PIK3C2B: variants seen among roughly 807,000 people sequenced by gnomAD.
The protein encoded by PIK3C2B is phosphatidylinositol 4-phosphate 3-kinase C2 domain-containing subunit beta.
A neutral mutation model predicts 184.3 loss-of-function variants in PIK3C2B; 83 were observed. The observed-to-expected ratio is 0.45, with a 90% CI of 0.38 to 0.54. The LOEUF (loss-of-function observed/expected upper bound fraction) is 0.54. Among genes scored for constraint, PIK3C2B ranks in the 20% least tolerant of loss-of-function variants. PIK3C2B has a pLI of 0.00. For missense variants in PIK3C2B, 1,736 were observed against 2,113.5 expected (o/e 0.82, Z 3.50); for synonymous variants, 779 against 837.6 (o/e 0.93, Z 1.21).
intron 20 of PIK3C2B, 44 bp from the exon 21 acceptor site, chr1:204,441,607 GC>G: frequency 7.1e-7 from 1 of 1,409,032 alleles, no homozygotes; most frequent in Non-Finnish European, 1.0e-6. Context: ...AGTGGCCCAT[GC>G]CAGGAAAGGA....
At chr1:204,481,511 C>T (rs1024068823) in intron 1 of PIK3C2B, among the ~76,000 whole-genome samples, 2 of 152,118 alleles carry the variant, frequency 1.3e-5, no homozygotes, top group South Asian at 4.1e-4. Flanking sequence ...CCTGCCTGGG[C>T]CTCCCAAAGT....
At chr1:204,456,461 A>G (rs1346443433) in intron 10 of PIK3C2B, among the ~76,000 whole-genome samples, 1 of 152,146 alleles carries the variant, frequency 6.6e-6, no homozygotes, top group Non-Finnish European at 1.5e-5. Flanking sequence ...ATGAAATCCA[A>G]AAGACTGGGA....
intron 15 of PIK3C2B, 76 bp from the exon 16 acceptor site, chr1:204,446,220 G>A (rs1653853344): frequency 1.9e-6 from 2 of 1,044,794 alleles, no homozygotes; most frequent in Admixed American, 2.5e-5. Flanking sequence ...GCCAGGGGGT[G>A]CAGCCCTTAC....
intron 14 of PIK3C2B, among the ~76,000 whole-genome samples, chr1:204,448,456 T>C (rs1208686261): frequency 1.3e-5 from 2 of 152,072 alleles, no homozygotes; most frequent in African/African-American, 4.8e-5. Context: ...TTCTAGAGTC[T>C]GGGCATAAAG....
rs1176323058 is a variant in PIK3C2B, at chr1:204,469,164, C to T, written c.639G>A (p.Val213=). Residue 213 remains valine, a synonymous_variant, in exon 2 of 33, where the codon GTG becomes GTA. Transcript: ENST00000684373. ...GGCGCCCCTGACCCCCACCTCCCAG[C>T]ACCTCTTCCTCTTCTAGGATCCGAT... The part of the protein sequence containing the change: ...LEHRILEEEE[V]LGGGGQGRLL... The T allele has an allele frequency of 6.2e-7, 1 of 1,614,138 alleles. No individual in the cohort carries two copies. Among genetic ancestry groups the T allele is most frequent in the Admixed American group, 1.7e-5 (1 of 60,028 alleles).
At chr1:204,472,597 G>T (rs935358028) in intron 1 of PIK3C2B, among the ~76,000 whole-genome samples, 1 of 152,060 alleles carries the variant, frequency 6.6e-6, no homozygotes, top group Non-Finnish European at 1.5e-5. Context: ...TGGCTAACAT[G>T]GTGAAACCTC....
intron 1 of PIK3C2B, among the ~76,000 whole-genome samples, chr1:204,491,603 C>T (rs1308136015): frequency 5.3e-5 from 8 of 151,618 alleles, no homozygotes; most frequent in Admixed American, 1.3e-4. Context: ...GGACTGAGGT[C>T]GAAGGATCAC....
intron 23 of PIK3C2B, among the ~76,000 whole-genome samples, chr1:204,437,354 G>A (rs2103476084): frequency 6.6e-6 from 1 of 152,288 alleles, no homozygotes; most frequent in Middle Eastern, 3.4e-3. Flanking sequence ...AATTCGCTGG[G>A]CATGGTGGTG....
intron 1 of PIK3C2B, among the ~76,000 whole-genome samples, chr1:204,492,636 A>T (rs1490505677): frequency 1.3e-5 from 2 of 152,172 alleles, no homozygotes; most frequent in Non-Finnish European, 2.9e-5. Context: ...CAAAGACCAA[A>T]GGCATTCCAG....
chr1:204,456,728 GTGC>G (rs988680045), intron 10 of PIK3C2B, among the ~76,000 whole-genome samples: 73 of 152,136 alleles, frequency 4.8e-4, no homozygotes, highest in African/African-American at 1.7e-3. Context: ...CACAGGGCTA[GTGC>G]TGCCCCACCA....
rs762651252 is a variant in PIK3C2B, at chr1:204,425,590, A to C, written c.4716+23T>G. ...GGCGCAGGTTGCCAACCCCTGCCCTACCCCACCATTTTCCCCACCCACCAT... is the reference window on the plus strand; with the variant it reads ...GGCGCAGGTTGCCAACCCCTGCCCTCCCCCACCATTTTCCCCACCCACCAT... On this transcript the variant is annotated intron_variant, in intron 32 of 32. Coordinates refer to ENST00000684373, the MANE Select transcript of PIK3C2B (RefSeq NM_001377334.1). 3.1e-6 allele frequency: 5 copies of C among 1,613,606 alleles called. No homozygotes were observed. The East Asian group carries it at 1.1e-4, about 36-fold the overall frequency.
Position 204,449,277 on chromosome 1 carries a change from T to G in PIK3C2B, c.2254A>C (p.Lys752Gln), listed in dbSNP as rs1420180250. Residue 752 changes from lysine to glutamine, a missense_variant, in exon 14 of 33, where the codon AAG becomes CAG. Physicochemically the swap from Lys to Gln is moderately conservative, Grantham distance 53. This residue lies in a region of PIK3C2B where 609 missense variants were observed against 699.2 expected (regional missense o/e 0.87). Coordinates refer to ENST00000684373, the MANE Select transcript of PIK3C2B (RefSeq NM_001377334.1). The stretch of plus-strand genomic sequence containing the variant: ...GTTGCTGGCCACAAACCCAGAAGCT[T>G]CCGGCCACAGGTCAGGACCCTAAGA... ...NFRQVLTCGR[K>Q]LLGLWPATQE... The G allele has an allele frequency of 1.9e-6, 3 of 1,611,708 alleles. No individual in the cohort carries two copies. The South Asian group carries it at 3.3e-5, about 18-fold the overall frequency.
intron 15 of PIK3C2B, 126 bp from the exon 16 acceptor site, chr1:204,446,270 C>A: frequency 1.8e-6 from 1 of 541,006 alleles, no homozygotes; most frequent in South Asian, 4.9e-5. Context: ...TCAGCGGTTC[C>A]CAAGCTTTGC....
At chr1:204,449,378 G>T in intron 13 of PIK3C2B, 82 bp from the exon 14 acceptor site, 1 of 1,066,318 alleles carries the variant, frequency 9.4e-7, no homozygotes, top group Non-Finnish European at 1.4e-6. Context: ...CCAAAAATCT[G>T]CCTTTTCTGT....
intron 1 of PIK3C2B, among the ~76,000 whole-genome samples, chr1:204,485,808 C>T (rs72644178): frequency 0.046 from 6,973 of 152,010 alleles, 361 homozygotes; most frequent in East Asian, 0.26. Flanking sequence ...CAAACTCAAG[C>T]GATCTGCCTG....
At chr1:204,479,911 G>C (rs776125504) in intron 1 of PIK3C2B, among the ~76,000 whole-genome samples, 6 of 152,230 alleles carry the variant, frequency 3.9e-5, no homozygotes, top group South Asian at 4.1e-4. Flanking sequence ...ACCAAAGTGA[G>C]GAAACAACAT....
chr1:204,442,751 T>A (rs1054420822), intron 19 of PIK3C2B, 118 bp from the exon 20 acceptor site: 1 of 658,042 alleles, frequency 1.5e-6, no homozygotes, highest in Non-Finnish European at 2.7e-6. Context: ...CCCTGAGAAG[T>A]GTGGACACCC....
At chr1:204,493,530 C>CACACACAA (rs1658152801) in intron 1 of PIK3C2B, among the ~76,000 whole-genome samples, 1 of 149,108 alleles carries the variant, frequency 6.7e-6, no homozygotes, top group South Asian at 2.1e-4. Context: ...AGAAAACACA[C>CACACACAA]ACACACACAC....
At chr1:204,455,451 C>G (rs1425293231) in intron 11 of PIK3C2B, among the ~76,000 whole-genome samples, 1 of 152,114 alleles carries the variant, frequency 6.6e-6, no homozygotes, top group African/African-American at 2.4e-5. Flanking sequence ...CTCCACCCAC[C>G]CCTGCAGGCC....
Sources: gnomAD v4.1 joint callset for allele counts (sites outside exome capture counted in the v4.1 genomes callset) on GRCh38, gnomAD v4.1.1 for gene constraint, gnomAD v4.1.1 regional missense constraint, MANE v1.5 for transcripts, NCBI Gene and HGNC (gene_info 2026-07-23, HGNC 2026-07-21) for gene names.